The following PRKN variants were observed in gnomAD, a reference collection of about 807,000 sequenced individuals.
The protein encoded by PRKN is parkin RBR E3 ubiquitin protein ligase, also known as E3 ubiquitin-protein ligase parkin.
PRKN carries 56 observed loss-of-function variants against 59.5 expected under a neutral mutation model. That is an observed-to-expected ratio of 0.94 (90% CI 0.76 to 1.18). The LOEUF is 1.18. Ranked by LOEUF, PRKN falls within the 50% of genes most tolerant of loss-of-function variation. The pLI, the probability that PRKN is intolerant of heterozygous loss-of-function variation, is 0.00. For synonymous variants in PRKN, 250 were observed against 222.1 expected, an observed-to-expected ratio of 1.13 and a Z score of -1.12; for missense variants, 657 against 596.4, an observed-to-expected ratio of 1.10 and a Z score of -1.06.
At chr6:162,030,223 A>G (rs1486124445) in intron 5 of PRKN, among the ~76,000 whole-genome samples, 1 of 152,100 alleles carries the variant, frequency 6.6e-6, no homozygotes, top group Non-Finnish European at 1.5e-5. Context: ...CATCCCTACA[A>G]CTAATAATGC....
intron 6 of PRKN, among the ~76,000 whole-genome samples, chr6:161,913,620 A>T (rs1213796790): frequency 1.3e-5 from 2 of 152,236 alleles, no homozygotes; most frequent in Non-Finnish European, 2.9e-5. Flanking sequence ...GTTTACAAAA[A>T]ACCTACTATG....
intron 4 of PRKN, among the ~76,000 whole-genome samples, chr6:162,095,026 G>A (rs1779668327): frequency 6.6e-6 from 1 of 152,078 alleles, no homozygotes; most frequent in Admixed American, 6.6e-5. Context: ...ATGGAGAGAT[G>A]GTAGGTGGAC....
intron 2 of PRKN, among the ~76,000 whole-genome samples, chr6:162,387,068 ATTTTT>A (rs1562722446): frequency 6.6e-6 from 1 of 152,104 alleles, no homozygotes; most frequent in Non-Finnish European, 1.5e-5. Flanking sequence ...TTATTTATTT[ATTTTT>A]AAGTTACACA....
intron 1 of PRKN, among the ~76,000 whole-genome samples, chr6:162,505,843 A>C (rs1210300844): frequency 1.3e-5 from 2 of 152,200 alleles, no homozygotes; most frequent in African/African-American, 4.8e-5. Flanking sequence ...CTGCTAGATT[A>C]TTCTCTGCAT....
chr6:161,993,662 G>T (rs1430005241), intron 5 of PRKN, among the ~76,000 whole-genome samples: 1 of 152,202 alleles, frequency 6.6e-6, no homozygotes, highest in Non-Finnish European at 1.5e-5. Context: ...AATAGGCCAA[G>T]ATCACTGTCT....
intron 7 of PRKN, among the ~76,000 whole-genome samples, chr6:161,780,784 T>A (rs934526071): frequency 3.3e-5 from 5 of 152,130 alleles, no homozygotes; most frequent in Admixed American, 2.0e-4. Context: ...TAGCAAGACA[T>A]TTAAAAACTA....
intron 1 of PRKN, among the ~76,000 whole-genome samples, chr6:162,613,460 TTG>T (rs1446015784): frequency 1.3e-5 from 2 of 152,190 alleles, no homozygotes; most frequent in African/African-American, 2.4e-5. Flanking sequence ...AATGCCTCTG[TTG>T]TGTTTCAAAC....
In PRKN at chr6:161,549,309, A is replaced by G. The variant is rs956684018; in HGVS notation, c.934-306T>C. ...TTTTGTATTTTATAAGATCGCTTCT[A>G]CCAACTGTATTTTAACAATCTTATT... On this transcript the variant is annotated intron_variant, in intron 8 of 11. Transcript: ENST00000366898. The surrounding 1 kb of genome is among the most constrained non-coding windows in gnomAD (Gnocchi z 6.0). Among the ~76,000 whole-genome samples, 4 of 152,210 alleles carry G rather than the reference A, an allele frequency of 2.6e-5. No individual in the cohort carries two copies. Among genetic ancestry groups the G allele is most frequent in the African/African-American group, 9.7e-5 (4 of 41,450 alleles).
intron 7 of PRKN, among the ~76,000 whole-genome samples, chr6:161,771,731 G>GT (rs761624550): frequency 2.6e-5 from 4 of 152,134 alleles, no homozygotes; most frequent in Non-Finnish European, 4.4e-5. Flanking sequence ...CAATTACTTG[G>GT]TTTGGGTATT....
rs1019066458 is a variant in PRKN, at chr6:162,051,797, C to G, written c.618+2294G>C. Among the ~76,000 whole-genome samples, 7 of 152,278 alleles carry G rather than the reference C, an allele frequency of 4.6e-5. No individual in the cohort carries two copies. The South Asian group carries it at 1.4e-3, about 32-fold the overall frequency. On this transcript the variant is annotated intron_variant, in intron 5 of 11. Coordinates refer to ENST00000366898, the MANE Select transcript of PRKN (RefSeq NM_004562.3). ...TAGTGTCACCCACACTACCCTGGAG[C>G]AAATCCAGACTGTCCTGTGCACAGA...
chr6:161,558,666 A>G (rs1421012327), intron 8 of PRKN, among the ~76,000 whole-genome samples: 2 of 152,214 alleles, frequency 1.3e-5, no homozygotes, highest in African/African-American at 4.8e-5. Context: ...TAAAAAAACT[A>G]TAATAACGTC....
intron 9 of PRKN, among the ~76,000 whole-genome samples, chr6:161,424,948 G>A (rs1428906952): frequency 1.3e-5 from 2 of 152,148 alleles, no homozygotes; most frequent in Admixed American, 6.5e-5. Context: ...CTGTACTGTC[G>A]AGGGAGACTA....
At chr6:162,556,036 A>T (rs1200874289) in intron 1 of PRKN, among the ~76,000 whole-genome samples, 1 of 150,094 alleles carries the variant, frequency 6.7e-6, no homozygotes, top group Non-Finnish European at 1.5e-5. Context: ...TGATTGAGTG[A>T]GAAGGAAATG....
chr6:161,540,164 A>T (rs771110130), intron 9 of PRKN, among the ~76,000 whole-genome samples: 2 of 152,184 alleles, frequency 1.3e-5, no homozygotes, highest in Non-Finnish European at 2.9e-5. Context: ...ACTTCTTCTG[A>T]CATGGAAAAC....
chr6:162,339,077 G>C, intron 2 of PRKN, among the ~76,000 whole-genome samples: 1 of 148,168 alleles, frequency 6.7e-6, no homozygotes, highest in South Asian at 2.1e-4. Flanking sequence ...TCTGAGAAGT[G>C]AGGAGCCCCT....
At chr6:161,370,509 G>A (rs1449173963) in intron 10 of PRKN, among the ~76,000 whole-genome samples, 1 of 148,642 alleles carries the variant, frequency 6.7e-6, no homozygotes. Flanking sequence ...GGAGAATGAC[G>A]TGAACCTGGG....
At chr6:161,917,308 A>G (rs1439096511) in intron 6 of PRKN, among the ~76,000 whole-genome samples, 1 of 151,618 alleles carries the variant, frequency 6.6e-6, no homozygotes, top group Non-Finnish European at 1.5e-5. Context: ...GTTTTGCCAT[A>G]TTGGCCAGGC....
intron 2 of PRKN, among the ~76,000 whole-genome samples, chr6:162,298,136 G>A (rs1315902395): frequency 9.2e-5 from 14 of 152,026 alleles, no homozygotes; most frequent in Non-Finnish European, 1.9e-4. Flanking sequence ...TTGACAAGGG[G>A]AGGTACCAGG....
intron 6 of PRKN, among the ~76,000 whole-genome samples, chr6:161,839,482 C>T (rs2128220321): frequency 6.6e-6 from 1 of 152,224 alleles, no homozygotes; most frequent in East Asian, 1.9e-4. Flanking sequence ...TGACAGGGAG[C>T]ACAGCACTGC....
Sources: allele counts gnomAD v4.1 joint callset (sites outside exome capture counted in the v4.1 genomes callset), GRCh38; gene constraint gnomAD v4.1.1; non-coding constraint Gnocchi (gnomAD v3.1); transcripts MANE v1.5; gene names NCBI Gene and HGNC (gene_info 2026-07-23, HGNC 2026-07-21).